TRIQK: variants seen among roughly 807,000 people sequenced by gnomAD.
The protein encoded by TRIQK is triple QxxK/R motif containing, also known as triple QxxK/R motif-containing protein.
A neutral mutation model predicts 10.8 loss-of-function variants in TRIQK; 10 were observed. The observed-to-expected ratio is 0.92, with a 90% confidence interval of 0.57 to 1.57. The LOEUF is 1.57. TRIQK is among the 40% of genes most tolerant of loss of function. The pLI, the probability that TRIQK is intolerant of heterozygous loss-of-function variation, is 0.00. For missense variants in TRIQK, 107 were observed against 97.7 expected, an observed-to-expected ratio of 1.09 and a Z score of -0.40; for synonymous variants, 33 against 33.7, an observed-to-expected ratio of 0.98 and a Z score of 0.07.
In TRIQK at chr8:92,886,721, T is replaced by G. The variant is rs1470040895; in HGVS notation, c.162A>C (p.Val54=). The change falls in exon 5 of 5, where the codon GTA becomes GTC. Residue 54 remains valine (V), a synonymous_variant. Coordinates refer to ENST00000521988, the MANE Select transcript of TRIQK (RefSeq NM_001171797.2). ...GTAGTAGTGCCAATATAGCTGCAAG[T>G]ACAAGGCCAACTTCCTGGGAAGAAA... ...TAIGIKEVGL[V]LAAILALLLA... 6.5e-7 allele frequency: 1 copy of G among 1,530,194 alleles called. No homozygotes were observed. The highest frequency in any genetic ancestry group is 1.2e-5 in the South Asian group (1 of 83,680). The allele number at this position is 1,530,194 out of a possible 1,614,324, so 94.8% of individuals were successfully genotyped here. A position where few individuals can be genotyped will look rare whatever the true frequency, so the allele number is the denominator to read the frequency against.
At chr8:92,979,531 GGATGGGTA>G (rs1312846262) in intron 1 of TRIQK, among the ~76,000 whole-genome samples, 3 of 151,990 alleles carry the variant, frequency 2.0e-5, no homozygotes, top group Non-Finnish European at 4.4e-5. Flanking sequence ...AGTGGTATAT[GGATGGGTA>G]TTGCAAAGAC....
chr8:92,925,777 A>T (rs1810415865), intron 2 of TRIQK, among the ~76,000 whole-genome samples: 1 of 152,230 alleles, frequency 6.6e-6, no homozygotes, highest in Non-Finnish European at 1.5e-5. Context: ...TTCTGGTACA[A>T]CTTCTTTATA....
chr8:92,943,203 T>C (rs1174071816), intron 2 of TRIQK, among the ~76,000 whole-genome samples: 3 of 152,172 alleles, frequency 2.0e-5, no homozygotes, highest in African/African-American at 7.2e-5. Flanking sequence ...GCATTCCATG[T>C]TTATGAATTG....
chr8:92,892,126 T>A (rs995349298), intron 3 of TRIQK, 52 bp from the exon 4 acceptor site: 2 of 1,226,726 alleles, frequency 1.6e-6, no homozygotes, highest in Non-Finnish European at 2.3e-6. Context: ...TAATTAAGTT[T>A]AACAATCATT....
upstream of TRIQK, among the ~76,000 whole-genome samples, chr8:92,966,979 A>AC (rs1182192697): frequency 1.6e-5 from 2 of 123,592 alleles, no homozygotes; most frequent in Non-Finnish European, 3.4e-5. Context: ...AAAGTAGCAT[A>AC]CAAAAAAAAA....
intron 2 of TRIQK, among the ~76,000 whole-genome samples, chr8:92,939,331 C>A (rs1027116866): frequency 1.3e-5 from 2 of 152,118 alleles, no homozygotes; most frequent in Non-Finnish European, 2.9e-5. Context: ...TCTGTGTGAG[C>A]TCACAGAATT....
At chr8:92,991,012 C>T (rs1236228834) in intron 1 of TRIQK, among the ~76,000 whole-genome samples, 1 of 152,208 alleles carries the variant, frequency 6.6e-6, no homozygotes, top group Non-Finnish European at 1.5e-5. Context: ...GCTTGAAATT[C>T]TCACTTCCAG....
At position 92,902,217 on chromosome 8, in the gene TRIQK, TA is replaced by T. The variant is rs1481015404; in HGVS notation, c.62-10144del. Among the ~76,000 whole-genome samples, 5 of 152,210 alleles carry T rather than the reference TA, an allele frequency of 3.3e-5. No individual in the cohort carries two copies. The South Asian group carries it at 1.0e-3, about 32-fold the overall frequency. On this transcript the variant is annotated intron_variant, in intron 3 of 4. Transcript: ENST00000521988. ...GTTTATCTAGGATCCCAGAGTATTTTAGTCCGTGGTGATGACGCTTGCTGAA... is the reference window on the plus strand; with the variant it reads ...GTTTATCTAGGATCCCAGAGTATTTTGTCCGTGGTGATGACGCTTGCTGAA...
chr8:92,905,064 TA>T (rs1809179159), intron 3 of TRIQK, among the ~76,000 whole-genome samples: 1 of 152,186 alleles, frequency 6.6e-6, no homozygotes, highest in African/African-American at 2.4e-5. Context: ...TTCTACTAGG[TA>T]TATGTTGCAG....
At chr8:92,937,658 G>A (rs898304501) in intron 2 of TRIQK, among the ~76,000 whole-genome samples, 4 of 148,788 alleles carry the variant, frequency 2.7e-5, no homozygotes, top group African/African-American at 9.9e-5. Flanking sequence ...ACTTTTATTA[G>A]TCATTCCTCT....
chr8:92,903,912 A>G (rs1332306899), intron 3 of TRIQK, among the ~76,000 whole-genome samples: 1 of 152,092 alleles, frequency 6.6e-6, no homozygotes, highest in Non-Finnish European at 1.5e-5. Context: ...ACTAAAAAGA[A>G]GAATACAGTT....
intron 1 of TRIQK, among the ~76,000 whole-genome samples, chr8:92,991,527 T>C (rs1431051902): frequency 1.3e-5 from 2 of 152,246 alleles, no homozygotes; most frequent in African/African-American, 4.8e-5. Context: ...GAGCTATTAA[T>C]GACAAACCCA....
intron 2 of TRIQK, among the ~76,000 whole-genome samples, chr8:92,948,018 C>A (rs953067294): frequency 2.0e-5 from 3 of 152,164 alleles, no homozygotes; most frequent in Non-Finnish European, 4.4e-5. Context: ...AATTAATTCT[C>A]CTTTTCATAT....
intron 1 of TRIQK, among the ~76,000 whole-genome samples, chr8:92,960,261 T>C (rs980902537): frequency 6.6e-6 from 1 of 152,124 alleles, no homozygotes; most frequent in Non-Finnish European, 1.5e-5. Flanking sequence ...ACTCCAAATA[T>C]CCACACAGTG....
At chr8:92,921,133 G>C (rs1021523321) in intron 2 of TRIQK, among the ~76,000 whole-genome samples, 2 of 151,520 alleles carry the variant, frequency 1.3e-5, no homozygotes, top group African/African-American at 4.8e-5. Flanking sequence ...GTTATCCACT[G>C]CTTAATCATT....
In TRIQK at chr8:92,886,492, A is replaced by C; in HGVS notation, c.*130T>G. On this transcript the variant is annotated 3_prime_UTR_variant, in exon 5 of 5. Transcript: ENST00000521988. ...CTGACATCCTATGCAACTATCAAAA[A>C]TCATATGTCTGCAAACTGAAAATAT... 3.3e-6 allele frequency: 2 copies of C among 600,516 alleles called. No individual in the cohort carries two copies. The highest frequency in any genetic ancestry group is 5.7e-6 in the Non-Finnish European group (2 of 350,218). The allele number at this position is 600,516 out of a possible 1,614,324, so 37.2% of individuals were successfully genotyped here.
chr8:92,910,806 C>T (rs564365109), intron 3 of TRIQK, among the ~76,000 whole-genome samples: 13 of 151,114 alleles, frequency 8.6e-5, no homozygotes, highest in African/African-American at 2.4e-4. Context: ...TGCTAAGCAA[C>T]GAAAACATAG....
At chr8:92,969,010 C>G (rs992076240), upstream of TRIQK, among the ~76,000 whole-genome samples, 4 of 152,032 alleles carry the variant, frequency 2.6e-5, 1 homozygote, top group African/African-American at 9.7e-5. Context: ...GTTTCAGTTT[C>G]CTGCATATAG....
chr8:92,915,421 A>G (rs1394718003), intron 3 of TRIQK, among the ~76,000 whole-genome samples: 1 of 152,094 alleles, frequency 6.6e-6, no homozygotes, highest in African/African-American at 2.4e-5. Context: ...GACTGTAGTA[A>G]TCATTTACTC....
Sources: gnomAD v4.1 joint callset for allele counts (sites outside exome capture counted in the v4.1 genomes callset) on GRCh38, gnomAD v4.1.1 for gene constraint, MANE v1.5 for transcripts, NCBI Gene and HGNC (gene_info 2026-07-23, HGNC 2026-07-21) for gene names.